TRAF3: variants seen among roughly 807,000 people sequenced by gnomAD.
TRAF3 encodes the protein TNF receptor associated factor 3.
Under a neutral mutation model 62.3 loss-of-function variants are expected in TRAF3, and 13 were observed. The ratio of observed to expected loss-of-function variants is 0.21; its 90% confidence interval spans 0.14 to 0.33. The LOEUF (loss-of-function observed/expected upper bound fraction) is 0.33. Ranked by LOEUF, TRAF3 falls within the 10% of genes least tolerant of loss-of-function variation. The pLI, the probability that TRAF3 is intolerant of heterozygous loss-of-function variation, is 1.00. For synonymous variants in TRAF3, 269 were observed against 283.4 expected (o/e 0.95, Z 0.51); for missense variants, 440 against 741.8 (o/e 0.59, Z 4.73).
intron 1 of TRAF3, among the ~76,000 whole-genome samples, chr14:102,788,575 G>A (rs571617116): frequency 4.6e-5 from 7 of 152,078 alleles, no homozygotes; most frequent in Non-Finnish European, 8.8e-5. Context: ...TGAGGCGGGC[G>A]GATCATGAGG....
In TRAF3 at chr14:102,846,244, T is replaced by C. The variant is rs138701754; in HGVS notation, c.-18+15772T>C. On this transcript the variant is annotated intron_variant, in intron 2 of 11. Transcript: ENST00000392745. ...GCTGTACCAGAAAAATCTTAAGTCG[T>C]GTTTATATTTGCTCCAAAGCAGAGA... 1.6e-4 allele frequency among the ~76,000 whole-genome samples: 24 copies of C among 152,248 alleles called. No individual in the cohort carries two copies. The East Asian group carries it at 4.3e-3, about 27-fold the overall frequency.
intron 9 of TRAF3, among the ~76,000 whole-genome samples, chr14:102,893,963 T>C (rs1473923900): frequency 2.6e-5 from 4 of 152,244 alleles, no homozygotes; most frequent in Non-Finnish European, 5.9e-5. Flanking sequence ...TATAGAATTA[T>C]TTAGTTGGAA....
chr14:102,817,649 A>G (rs1595321107), intron 1 of TRAF3, among the ~76,000 whole-genome samples: 1 of 152,304 alleles, frequency 6.6e-6, no homozygotes, highest in East Asian at 1.9e-4. Context: ...GGAAAGAGGT[A>G]TTATAGGTAT....
intron 2 of TRAF3, among the ~76,000 whole-genome samples, chr14:102,852,933 G>A (rs550768000): frequency 6.6e-6 from 1 of 150,732 alleles, no homozygotes; most frequent in East Asian, 2.0e-4. Context: ...TCACTCTGTC[G>A]CCCAGGCTGG....
intron 2 of TRAF3, among the ~76,000 whole-genome samples, chr14:102,846,638 T>TAAAAAAAAAAAAAAAAAAAAAAAAAAAA (rs752922791): frequency 1.4e-5 from 1 of 71,748 alleles, no homozygotes; most frequent in African/African-American, 6.3e-5. Flanking sequence ...TCCAGCTTCT[T>TAAAAAAAAAAAAAAAAAAAAAAAAAAAA]AAAAAAAAAA....
Position 102,796,823 on chromosome 14 carries a change from G to T in TRAF3, c.-157+19148G>T, listed in dbSNP as rs549396600. ...TGTTATGTATATATTTTGAATAAGG[G>T]TACCTGTTCCTCATTCTGTCCTTTT... On this transcript the variant is annotated intron_variant, in intron 1 of 11. Transcript: ENST00000392745. 5.9e-5 allele frequency among the ~76,000 whole-genome samples: 9 copies of T among 152,324 alleles called. No homozygotes were observed. The South Asian group carries it at 1.7e-3, about 28-fold the overall frequency.
chr14:102,856,785 T>A (rs1887397986), intron 2 of TRAF3, among the ~76,000 whole-genome samples: 1 of 152,182 alleles, frequency 6.6e-6, no homozygotes. Flanking sequence ...AAGATCCATC[T>A]TCTGTAACTT....
In TRAF3 at chr14:102,903,499, G is replaced by A. The variant is rs116717323; in HGVS notation, c.1135+70G>A. 3.2e-4 allele frequency: 514 copies of A among 1,600,698 alleles called. 1 individual carries two copies. In the African/African-American group the frequency reaches 6.2e-3, roughly 19 times the overall value. On this transcript the variant is annotated intron_variant, in intron 11 of 11. Coordinates refer to ENST00000392745, the MANE Select transcript of TRAF3 (RefSeq NM_145725.3). The surrounding 1 kb of genome is among the most constrained non-coding windows in gnomAD (Gnocchi z 6.4). ...CCGGGCGAGTGCTGGGGCGGGGTCC[G>A]TGGGATGAGGGCTATGTTAGGTACA...
intron 1 of TRAF3, among the ~76,000 whole-genome samples, chr14:102,811,550 G>GTTTTTTTTTTTT (rs35064640): frequency 2.0e-4 from 16 of 79,472 alleles, no homozygotes; most frequent in Non-Finnish European, 2.8e-4. Context: ...GCTGTAGGCG[G>GTTTTTTTTTTTT]TTTTTTTTTT....
chr14:102,840,226 T>C (rs1886296420), intron 2 of TRAF3, among the ~76,000 whole-genome samples: 1 of 152,102 alleles, frequency 6.6e-6, no homozygotes, highest in South Asian at 2.1e-4. Flanking sequence ...AAAACAAAAT[T>C]ATTTTTTACT....
At chr14:102,800,952 G>T (rs1370887744) in intron 1 of TRAF3, among the ~76,000 whole-genome samples, 1 of 152,112 alleles carries the variant, frequency 6.6e-6, no homozygotes, top group Non-Finnish European at 1.5e-5. Context: ...GCCAAGGCGG[G>T]CGGATCACGA....
intron 5 of TRAF3, among the ~76,000 whole-genome samples, chr14:102,876,010 T>G (rs1888628043): frequency 6.6e-6 from 1 of 152,238 alleles, no homozygotes; most frequent in Non-Finnish European, 1.5e-5. Flanking sequence ...CATTAAAACC[T>G]TTTTTCACCA....
chr14:102,779,864 A>T (rs1897200317), intron 1 of TRAF3, among the ~76,000 whole-genome samples: 2 of 152,236 alleles, frequency 1.3e-5, no homozygotes, highest in African/African-American at 4.8e-5. Flanking sequence ...ATCAAGTATT[A>T]TGCAATAGCT....
chr14:102,847,116 G>A (rs1886772504), intron 2 of TRAF3, among the ~76,000 whole-genome samples: 1 of 152,062 alleles, frequency 6.6e-6, no homozygotes, highest in African/African-American at 2.4e-5. Context: ...ATATACAGTA[G>A]TTAATCATGT....
chr14:102,892,259 T>C (rs1889764411), intron 9 of TRAF3, among the ~76,000 whole-genome samples: 1 of 152,174 alleles, frequency 6.6e-6, no homozygotes, highest in African/African-American at 2.4e-5. Flanking sequence ...GGTTTCTCCA[T>C]GTTGGTCAGG....
At chr14:102,785,145 C>T (rs187161244) in intron 1 of TRAF3, among the ~76,000 whole-genome samples, 3 of 152,314 alleles carry the variant, frequency 2.0e-5, no homozygotes, top group African/African-American at 7.2e-5. Context: ...TCAGAGTAGA[C>T]TTAGTTTTGC....
At chr14:102,860,596 G>A (rs1303506045) in intron 2 of TRAF3, among the ~76,000 whole-genome samples, 1 of 152,212 alleles carries the variant, frequency 6.6e-6, no homozygotes, top group African/African-American at 2.4e-5. Context: ...CCTCCCAGGT[G>A]CTGAGAGAAA....
intron 2 of TRAF3, among the ~76,000 whole-genome samples, chr14:102,859,331 G>A (rs1357685666): frequency 1.3e-5 from 2 of 152,136 alleles, no homozygotes; most frequent in Non-Finnish European, 2.9e-5. Context: ...TCTTAGCAGT[G>A]TTTATTTTTA....
chr14:102,902,321 G>A (rs1341465671), intron 10 of TRAF3, among the ~76,000 whole-genome samples: 1 of 152,234 alleles, frequency 6.6e-6, no homozygotes, highest in Non-Finnish European at 1.5e-5. Context: ...AGGGCCTGAG[G>A]ACATGCCTTG....
Sources: allele counts gnomAD v4.1 joint callset (sites outside exome capture counted in the v4.1 genomes callset), GRCh38; gene constraint gnomAD v4.1.1; non-coding constraint Gnocchi (gnomAD v3.1); transcripts MANE v1.5; gene names NCBI Gene and HGNC (gene_info 2026-07-23, HGNC 2026-07-21).